The following PKHD1 variants were observed in gnomAD, a reference collection of about 807,000 sequenced individuals.
PKHD1 encodes PKHD1 ciliary IPT domain containing fibrocystin/polyductin.
PKHD1 carries 291 observed loss-of-function variants against 412.0 expected under a neutral mutation model. The observed-to-expected ratio is 0.71, with a 90% CI of 0.64 to 0.78. PKHD1 has a LOEUF of 0.78. PKHD1 is among the 30% of genes least tolerant of loss of function. PKHD1 has a pLI of 0.00. For missense variants in PKHD1, 4,825 were observed against 4,950.7 expected (o/e 0.97, Z 0.76); for synonymous variants, 1,777 against 1,821.5 (o/e 0.98, Z 0.62).
Position 51,885,878 on chromosome 6 carries a change from C to CTG in PKHD1, c.7202_7203dup (p.Gly2402GlnfsTer14), listed in dbSNP as rs2127551949. 1.2e-6 allele frequency: 2 copies of CTG among 1,608,448 alleles called. No homozygotes were observed. The highest frequency in any genetic ancestry group is 1.7e-6 in the Non-Finnish European group (2 of 1,175,352). ...ACAAAAAAGCTTACCTGGGCACCAC[C>CTG]TGCACTTTCCCAAACTGTGAAGCTC... On this transcript the variant is annotated frameshift_variant, in exon 45 of 67. Coordinates refer to ENST00000371117, the MANE Select transcript of PKHD1 (RefSeq NM_138694.4). LOFTEE classifies it high-confidence loss of function.
At chr6:51,718,728 T>G (rs567496243) in intron 60 of PKHD1, among the ~76,000 whole-genome samples, 1 of 152,202 alleles carries the variant, frequency 6.6e-6, no homozygotes, top group Non-Finnish European at 1.5e-5. Flanking sequence ...TCACATAAAA[T>G]GGAATAACTA....
chr6:51,713,527 G>T (rs138763750), intron 60 of PKHD1, among the ~76,000 whole-genome samples: 1 of 152,206 alleles, frequency 6.6e-6, no homozygotes, highest in Non-Finnish European at 1.5e-5. Context: ...AAGATCTGCC[G>T]TGAGTAAGAA....
intron 16 of PKHD1, 103 bp downstream of exon 16, chr6:52,058,220 A>G (rs1038698129): frequency 3.8e-6 from 4 of 1,063,180 alleles, no homozygotes; most frequent in African/African-American, 3.1e-5. Context: ...CAGCAAGGTT[A>G]TAATGACCCC....
intron 52 of PKHD1, among the ~76,000 whole-genome samples, chr6:51,797,012 C>A (rs544345286): frequency 2.0e-5 from 3 of 151,994 alleles, no homozygotes; most frequent in Non-Finnish European, 4.4e-5. Flanking sequence ...CAGGGTTTCA[C>A]CGTGTTGCCC....
chr6:51,899,757 T>C (rs530599204), intron 43 of PKHD1, among the ~76,000 whole-genome samples: 6 of 152,216 alleles, frequency 3.9e-5, no homozygotes, highest in African/African-American at 1.4e-4. Context: ...TGATTGTATA[T>C]CTGGAAAGCC....
chr6:51,802,263 C>CA (rs1763048943), intron 52 of PKHD1, among the ~76,000 whole-genome samples: 1 of 148,372 alleles, frequency 6.7e-6, no homozygotes, highest in Middle Eastern at 3.4e-3. Flanking sequence ...ATCAAACAAA[C>CA]AAAAAACCTA....
At chr6:51,788,250 GAAGT>G (rs888498172) in intron 53 of PKHD1, among the ~76,000 whole-genome samples, 2 of 151,930 alleles carry the variant, frequency 1.3e-5, no homozygotes, top group African/African-American at 4.8e-5. Flanking sequence ...GCTGGAAAAA[GAAGT>G]TAGTTTAATA....
chr6:51,712,789 G>A (rs192313404), intron 60 of PKHD1, among the ~76,000 whole-genome samples: 6 of 152,256 alleles, frequency 3.9e-5, no homozygotes, highest in Admixed American at 2.6e-4. Context: ...CCTCTAAAAC[G>A]TGGATGAAAT....
At chr6:51,724,333 T>C (rs557668494) in intron 60 of PKHD1, among the ~76,000 whole-genome samples, 1 of 152,236 alleles carries the variant, frequency 6.6e-6, no homozygotes, top group South Asian at 2.1e-4. Context: ...CTAGAAATCA[T>C]TTACTACTCC....
At chr6:52,077,137 C>T (rs903178749) in intron 5 of PKHD1, among the ~76,000 whole-genome samples, 1 of 152,138 alleles carries the variant, frequency 6.6e-6, no homozygotes, top group Admixed American at 6.5e-5. Context: ...GGTATGCAGA[C>T]GACATTCGAA....
chr6:51,927,458 T>C (rs1396332425), intron 37 of PKHD1, among the ~76,000 whole-genome samples: 1 of 152,222 alleles, frequency 6.6e-6, no homozygotes, highest in African/African-American at 2.4e-5. Context: ...CCATCATTTA[T>C]GAATGACCAA....
chr6:51,744,669 T>C (rs926877035), intron 59 of PKHD1, 127 bp from the exon 60 acceptor site: 10 of 720,122 alleles, frequency 1.4e-5, no homozygotes, highest in Non-Finnish European at 2.4e-5. Flanking sequence ...ATGTGTTACA[T>C]AGATATAAAA....
chr6:51,978,561 A>C (rs753177057), intron 35 of PKHD1, among the ~76,000 whole-genome samples: 5 of 152,176 alleles, frequency 3.3e-5, no homozygotes, highest in Non-Finnish European at 4.4e-5. Context: ...ACAGAGGATT[A>C]GGGGAAGTTT....
chr6:51,643,494 T>C (rs1769653286), intron 63 of PKHD1, among the ~76,000 whole-genome samples: 1 of 152,076 alleles, frequency 6.6e-6, no homozygotes, highest in East Asian at 1.9e-4. Flanking sequence ...GAAGGGAAAG[T>C]CTGGAGAGTC....
chr6:51,976,944 T>TAAAAAAA (rs10671492), intron 35 of PKHD1, among the ~76,000 whole-genome samples: 32 of 93,522 alleles, frequency 3.4e-4, no homozygotes, highest in East Asian at 6.5e-4. Flanking sequence ...TGAGACTCCA[T>TAAAAAAA]AAAAAAAAAA....
intron 46 of PKHD1, among the ~76,000 whole-genome samples, chr6:51,872,875 CTT>C (rs33953182): frequency 0.23 from 18,685 of 81,594 alleles, 1,295 homozygotes; most frequent in Middle Eastern, 0.28. Flanking sequence ...CCATCGTTTC[CTT>C]TTTTTTTTTT....
intron 61 of PKHD1, among the ~76,000 whole-genome samples, chr6:51,657,035 T>C (rs1229365885): frequency 6.6e-6 from 1 of 151,698 alleles, no homozygotes; most frequent in Non-Finnish European, 1.5e-5. Context: ...TTGAAATGCA[T>C]ATAAGCTCAT....
At chr6:51,661,989 G>T (rs1772937758) in intron 60 of PKHD1, among the ~76,000 whole-genome samples, 1 of 151,864 alleles carries the variant, frequency 6.6e-6, no homozygotes, top group Admixed American at 6.6e-5. Context: ...CTACCAAATT[G>T]TTGGTTCAGA....
chr6:51,690,606 T>C (rs891777462), intron 60 of PKHD1, among the ~76,000 whole-genome samples: 1 of 152,120 alleles, frequency 6.6e-6, no homozygotes, highest in African/African-American at 2.4e-5. Flanking sequence ...GAGAACTGGC[T>C]AGCAACAGGC....
Sources: allele counts gnomAD v4.1 joint callset (sites outside exome capture counted in the v4.1 genomes callset), GRCh38; gene constraint gnomAD v4.1.1; transcripts MANE v1.5; gene names NCBI Gene and HGNC (gene_info 2026-07-23, HGNC 2026-07-21).